The following XKR7 variants were observed in gnomAD, a reference collection of about 807,000 sequenced individuals.
XKR7 encodes XK-related protein 7.
In XKR7, 11 loss-of-function variants were observed where a neutral mutation model predicts 42.2. The ratio of observed to expected loss-of-function variants is 0.26; its 90% confidence interval spans 0.16 to 0.43. XKR7 has a LOEUF of 0.43. XKR7 is among the 20% of genes least tolerant of loss of function. The pLI, the probability that XKR7 is intolerant of heterozygous loss-of-function variation, is 1.00. For missense variants in XKR7, 710 were observed against 802.2 expected, an observed-to-expected ratio of 0.89 and a Z score of 1.39; for synonymous variants, 346 against 366.4, an observed-to-expected ratio of 0.94 and a Z score of 0.64.
In XKR7 at chr20:32,002,753, T is replaced by G. The variant is rs533569710; in HGVS notation, c.*5296T>G. 6.6e-6 allele frequency: 1 copy of G among 152,318 alleles called. No individual in the cohort carries two copies. Among genetic ancestry groups the G allele is most frequent in the African/African-American group, 2.4e-5 (1 of 41,568 alleles). 9.4% of individuals were successfully genotyped at this position (152,318 alleles called of 1,614,324 possible). On this transcript the variant is annotated 3_prime_UTR_variant, in exon 3 of 3. Coordinates refer to ENST00000562532, the MANE Select transcript of XKR7 (RefSeq NM_001011718.2). ...AAGGCCTCAAGTCAACTTCTAGGGC[T>G]TGAAGGTGGGGGAATATATGTATTT...
At chr20:31,993,667 A>G (rs2064579328) in intron 1 of XKR7, among the ~76,000 whole-genome samples, 1 of 152,226 alleles carries the variant, frequency 6.6e-6, no homozygotes, top group Non-Finnish European at 1.5e-5. Flanking sequence ...AGAACTGAGG[A>G]TGCAGCACTT....
intron 1 of XKR7, chr20:31,970,403 CAA>C (rs2064459535): frequency 6.6e-6 from 1 of 152,164 alleles, no homozygotes. Flanking sequence ...TCAAATAGGG[CAA>C]AAATGGCCAT....
chr20:31,968,354 T>C lies in XKR7; in HGVS notation c.179T>C (p.Val60Ala). ...PRYELRDCCW[V>A]LCALLVFFSD... is the part of the protein sequence containing the mutation. Reference sequence around the variant, plus strand: ...TACGAGCTGCGGGACTGCTGCTGGGTGCTGTGCGCGCTGCTCGTGTTCTTC... The same window carrying C: ...TACGAGCTGCGGGACTGCTGCTGGGCGCTGTGCGCGCTGCTCGTGTTCTTC... The change falls in exon 1 of 3, where the codon GTG (valine) becomes GCG (alanine). Residue 60 changes from valine to alanine, a missense_variant. By Grantham distance (64) the Val-to-Ala change is moderately conservative. Around this residue, in one of 2 missense-constraint regions of XKR7, gnomAD observed 708 missense variants for 786.2 expected, o/e 0.90. Transcript: ENST00000562532. The surrounding 1 kb of genome is among the most constrained non-coding windows in gnomAD (Gnocchi z 4.5). 2 of 1,607,306 alleles carry C rather than the reference T, an allele frequency of 1.2e-6. No individual in the cohort carries two copies. The highest frequency in any genetic ancestry group is 1.7e-6 in the Non-Finnish European group (2 of 1,178,714).
intron 1 of XKR7, among the ~76,000 whole-genome samples, chr20:31,994,129 A>G (rs2064581122): frequency 6.6e-6 from 1 of 152,192 alleles, no homozygotes; most frequent in Admixed American, 6.5e-5. Flanking sequence ...AGAGCTGGGC[A>G]CTGAGCTGTG....
Position 31,997,867 on chromosome 20 carries a change from T to C in XKR7, c.*410T>C. 5.4e-6 allele frequency: 1 copy of C among 185,194 alleles called. No homozygotes were observed. Among genetic ancestry groups the C allele is most frequent in the Non-Finnish European group, 1.1e-5 (1 of 88,154 alleles). The allele number at this position is 185,194 out of a possible 1,614,324, so 11.5% of individuals were successfully genotyped here. On this transcript the variant is annotated 3_prime_UTR_variant, in exon 3 of 3. Transcript: ENST00000562532. ...TCCTCAGGGGTTGTGGAGAGTGGGC[T>C]GCCTCTATGGTGGGAAAAGATCTCT... is the stretch of plus-strand genomic sequence containing the variant.
intron 1 of XKR7, chr20:31,970,124 T>C (rs773259280): frequency 6.6e-6 from 1 of 152,238 alleles, no homozygotes; most frequent in Non-Finnish European, 1.5e-5. Context: ...GTGGTGTTAT[T>C]ATTATTAGCG....
rs1219787014 is a variant in XKR7, at chr20:32,000,124, T to G, written c.*2667T>G. 1 of 152,276 alleles carries G rather than the reference T, an allele frequency of 6.6e-6. No individual in the cohort carries two copies. The highest frequency in any genetic ancestry group is 2.4e-5 in the African/African-American group (1 of 41,424). The allele number at this position is 152,276 out of a possible 1,614,324, so 9.4% of individuals were successfully genotyped here. On this transcript the variant is annotated 3_prime_UTR_variant, in exon 3 of 3. Coordinates refer to ENST00000562532, the MANE Select transcript of XKR7 (RefSeq NM_001011718.2). ...GGAGAGGGCTGCAGGCACCTCCTCC[T>G]GCTTCTCACCCTCAGAAGAGTCTCA...
chr20:31,999,218 G>A lies in XKR7; in HGVS notation c.*1761G>A, dbSNP rs1025329455. Reference sequence around the variant, plus strand: ...TCAGCCTCTCTTGGGTTACAGATGGGAAACTGAGGCCCAGAGTGGCAGCCA... The same window carrying A: ...TCAGCCTCTCTTGGGTTACAGATGGAAAACTGAGGCCCAGAGTGGCAGCCA... On this transcript the variant is annotated 3_prime_UTR_variant, in exon 3 of 3. Transcript: ENST00000562532. 1.3e-5 allele frequency: 2 copies of A among 152,168 alleles called. No individual in the cohort carries two copies. Among genetic ancestry groups the A allele is most frequent in the African/African-American group, 4.8e-5 (2 of 41,422 alleles). The allele number at this position is 152,168 out of a possible 1,614,324, so 9.4% of individuals were successfully genotyped here.
rs537061551 is a variant in XKR7 at position 31,984,096 on chromosome 20, T to C, written c.585-10972T>C. Among the ~76,000 whole-genome samples, 7 of 151,622 alleles carry C rather than the reference T, an allele frequency of 4.6e-5. No homozygotes were observed. The East Asian group carries it at 1.4e-3, about 29-fold the overall frequency. ...GACCAACATGGTGAAACCCTGTCTC[T>C]ACTAAAAAACAAAAATTAGCCAGGC... On this transcript the variant is annotated intron_variant, in intron 1 of 2. Coordinates refer to ENST00000562532, the MANE Select transcript of XKR7 (RefSeq NM_001011718.2).
chr20:31,986,597 C>A (rs1441405858), intron 1 of XKR7, among the ~76,000 whole-genome samples: 1 of 138,882 alleles, frequency 7.2e-6, no homozygotes, highest in Non-Finnish European at 1.5e-5. Flanking sequence ...GAGACACAGA[C>A]AGACAGACCA....
At chr20:31,973,972 A>T (rs1194454513) in intron 1 of XKR7, among the ~76,000 whole-genome samples, 1 of 152,150 alleles carries the variant, frequency 6.6e-6, no homozygotes, top group Non-Finnish European at 1.5e-5. Flanking sequence ...AGGCAGGCGG[A>T]TCACGAGGTC....
At chr20:31,974,441 G>A (rs934608643) in intron 1 of XKR7, among the ~76,000 whole-genome samples, 6 of 152,136 alleles carry the variant, frequency 3.9e-5, no homozygotes, top group Non-Finnish European at 8.8e-5. Context: ...GCCATATCCT[G>A]CACCTGCCAC....
chr20:31,991,333 G>A (rs2064570028), intron 1 of XKR7, among the ~76,000 whole-genome samples: 1 of 152,196 alleles, frequency 6.6e-6, no homozygotes, highest in East Asian at 1.9e-4. Flanking sequence ...GCGGCAGTGG[G>A]GATGGAGGCT....
rs184454779 is a variant in XKR7, at chr20:31,981,706, A to C, written c.584+12947A>C. On this transcript the variant is annotated intron_variant, in intron 1 of 2. Coordinates refer to ENST00000562532, the MANE Select transcript of XKR7 (RefSeq NM_001011718.2). ...GACTCTGTCTAAAAACAAACAAACC[A>C]ACAAACAAACAAAGAAAAAACAAAA... Among the ~76,000 whole-genome samples, 22 of 152,236 alleles carry C rather than the reference A, an allele frequency of 1.4e-4. No individual in the cohort carries two copies. In the East Asian group the frequency reaches 4.2e-3, roughly 29 times the overall value.
At chr20:31,974,020 C>T (rs571517035) in intron 1 of XKR7, among the ~76,000 whole-genome samples, 4 of 152,154 alleles carry the variant, frequency 2.6e-5, no homozygotes, top group South Asian at 2.1e-4. Flanking sequence ...TGGTGAAAGC[C>T]GGTCTCTACT....
chr20:31,970,885 A>C (rs557034957), intron 1 of XKR7: 2 of 152,188 alleles, frequency 1.3e-5, no homozygotes, highest in South Asian at 4.1e-4. Flanking sequence ...TCATCCTGTC[A>C]TGTGGTTAGC....
At chr20:31,992,963 C>A (rs1448096593) in intron 1 of XKR7, among the ~76,000 whole-genome samples, 1 of 151,986 alleles carries the variant, frequency 6.6e-6, no homozygotes, top group Non-Finnish European at 1.5e-5. Context: ...AGAGTGAGTC[C>A]CCTGGTTCCC....
intron 1 of XKR7, among the ~76,000 whole-genome samples, chr20:31,989,333 G>C (rs2064558575): frequency 6.6e-6 from 1 of 152,068 alleles, no homozygotes; most frequent in Non-Finnish European, 1.5e-5. Flanking sequence ...TTTGAGATGA[G>C]GTGAGAGAAA....
intron 1 of XKR7, among the ~76,000 whole-genome samples, chr20:31,987,675 C>G (rs2064549174): frequency 6.6e-6 from 1 of 152,180 alleles, no homozygotes; most frequent in Non-Finnish European, 1.5e-5. Flanking sequence ...ATTCAAGACA[C>G]AGAGAGACAG....
Sources: gnomAD v4.1 joint callset for allele counts (sites outside exome capture counted in the v4.1 genomes callset) on GRCh38, gnomAD v4.1.1 for gene constraint, gnomAD v4.1.1 regional missense constraint, Gnocchi (gnomAD v3.1) non-coding constraint, MANE v1.5 for transcripts, NCBI Gene and HGNC (gene_info 2026-07-23, HGNC 2026-07-21) for gene names.